Variants in CENPL observed in about 807,000 individuals in gnomAD.
CENPL encodes the protein interphase centromere complex protein 33.
In CENPL, 20 loss-of-function variants were observed where a neutral mutation model predicts 35.2. That is an observed-to-expected ratio of 0.57 (90% CI 0.40 to 0.83). The LOEUF is 0.83. Among genes scored for constraint, CENPL ranks in the 40% least tolerant of loss-of-function variants. CENPL has a pLI of 0.00. For missense variants in CENPL, 363 were observed against 395.8 expected (o/e 0.92, Z 0.70); for synonymous variants, 140 against 140.6 (o/e 1.00, Z 0.03).
At chr1:173,803,844 G>T (rs185919010) in intron 4 of CENPL, among the ~76,000 whole-genome samples, 1 of 152,032 alleles carries the variant, frequency 6.6e-6, no homozygotes, top group African/African-American at 2.4e-5. Context: ...GCTAATTTTT[G>T]TATTTTTAGT....
Position 173,802,997 on chromosome 1 carries a change from G to C in CENPL, c.929C>G (p.Ser310Cys), listed in dbSNP as rs199858256. The part of the protein sequence containing the change: ...SATRLVRVST[S>C]VASAHTDGKI... ...TCCATCAGTATGTGCTGAAGCTACAGATGTTGAAACACGAACTAATCTTGT... is the reference window on the plus strand; with the variant it reads ...TCCATCAGTATGTGCTGAAGCTACACATGTTGAAACACGAACTAATCTTGT... Residue 310 changes from serine (S) to cysteine (C), a missense_variant, in exon 5 of 6, where the codon TCT (serine) becomes TGT (cysteine). By Grantham distance (112) the Ser-to-Cys change is moderately radical (BLOSUM62 -1). Coordinates refer to ENST00000682279, the MANE Select transcript of CENPL (RefSeq NM_001387287.1). 2.5e-6 allele frequency: 4 copies of C among 1,612,982 alleles called. No homozygotes were observed. Among genetic ancestry groups the C allele is most frequent in the Non-Finnish European group, 2.5e-6 (3 of 1,179,134 alleles).
Position 173,811,259 on chromosome 1 carries a change from G to A in CENPL, c.41C>T (p.Ser14Phe), listed in dbSNP as rs1557846752. Residue 14 changes from serine (S) to phenylalanine (F), a missense_variant, in exon 3 of 6, where the codon TCC becomes TTC. Transcript: ENST00000682279. ...YSAPESTPSA[S>F]SRPEDYFIGA... ...TATAAAGTAATCTTCAGGTCTTGAGGATGCACTAGGAGTTGACTCTGGTGC... is the reference window on the plus strand; with the variant it reads ...TATAAAGTAATCTTCAGGTCTTGAGAATGCACTAGGAGTTGACTCTGGTGC... 1 of 1,612,854 alleles carries A rather than the reference G, an allele frequency of 6.2e-7. No homozygotes were observed. The highest frequency in any genetic ancestry group is 8.5e-7 in the Non-Finnish European group (1 of 1,178,950).
intron 4 of CENPL, among the ~76,000 whole-genome samples, chr1:173,805,644 TTC>T (rs755678704): frequency 7.9e-5 from 12 of 152,118 alleles, no homozygotes; most frequent in African/African-American, 1.7e-4. Context: ...CTGCATCAGG[TTC>T]TGTTTGTCCT....
intron 2 of CENPL, among the ~76,000 whole-genome samples, chr1:173,819,461 C>T (rs1651727864): frequency 6.6e-6 from 1 of 151,782 alleles, no homozygotes; most frequent in African/African-American, 2.4e-5. Context: ...TATGGTGGCA[C>T]ACACCTGTAG....
chr1:173,807,429 A>C lies in CENPL; in HGVS notation c.258T>G (p.Ser86Arg). The change falls in exon 4 of 6, where the codon AGT (serine) becomes AGG (arginine). Residue 86 changes from serine to arginine, a missense_variant. Transcript: ENST00000682279. The part of the protein sequence containing the change: ...SLTPLYKFSY[S>R]NLKEYSRLLN... ...GAAGTCTAGAATACTCTTTGAGATT[A>C]CTATAGGAGAATTTATATAAGGGAG... 4 of 1,611,424 alleles carry C rather than the reference A, an allele frequency of 2.5e-6. No homozygotes were observed. The highest frequency in any genetic ancestry group is 3.4e-6 in the Non-Finnish European group (4 of 1,178,058).
chr1:173,802,543 G>A (rs1427770364), intron 5 of CENPL, among the ~76,000 whole-genome samples: 1 of 152,146 alleles, frequency 6.6e-6, no homozygotes, highest in African/African-American at 2.4e-5. Flanking sequence ...ACTCTGTAGA[G>A]AATAAAACAA....
chr1:173,803,156 T>A lies in CENPL; in HGVS notation c.770A>T (p.His257Leu). The part of the protein sequence containing the change: ...PQSLDISFAI[H>L]PEDAKALWDS... ...CCATAGAGCTTTTGCATCCTCTGGA[T>A]GTATTGCGAAAGAAATGTCCAGACT... The change falls in exon 5 of 6, where the codon CAT becomes CTT. Residue 257 changes from histidine to leucine, a missense_variant. Physicochemically the swap from His to Leu is moderately conservative, Grantham distance 99. Coordinates refer to ENST00000682279, the MANE Select transcript of CENPL (RefSeq NM_001387287.1). The A allele has an allele frequency of 6.2e-7, 1 of 1,614,034 alleles. No individual in the cohort carries two copies.
At chr1:173,807,229 T>C (rs775764532) in intron 4 of CENPL, 38 bp downstream of exon 4, 2 of 1,480,876 alleles carry the variant, frequency 1.4e-6, no homozygotes, top group Admixed American at 2.1e-5. Context: ...GACATAATAC[T>C]TTTCCCCTAG....
intron 2 of CENPL, chr1:173,822,868 G>C (rs1229880199): frequency 6.6e-6 from 1 of 152,318 alleles, no homozygotes; most frequent in East Asian, 1.9e-4. Context: ...CTCCCCAGTA[G>C]CTGGGACTAC....
chr1:173,803,403 A>G lies in CENPL; in HGVS notation c.523T>C (p.Ser175Pro). ...AAGGGCAGACAGGTGAAATCTTCTGAAACAGTCTCCAGAAGACTGTCTCCA... is the reference window on the plus strand; with the variant it reads ...AAGGGCAGACAGGTGAAATCTTCTGGAACAGTCTCCAGAAGACTGTCTCCA... ...VFGDSLLETV[S>P]EDFTCLPLFL... The change falls in exon 5 of 6, where the codon TCA becomes CCA. Residue 175 changes from serine to proline, a missense_variant. Coordinates refer to ENST00000682279, the MANE Select transcript of CENPL (RefSeq NM_001387287.1). 2 of 1,613,906 alleles carry G rather than the reference A, an allele frequency of 1.2e-6. No homozygotes were observed. The highest frequency in any genetic ancestry group is 1.7e-6 in the Non-Finnish European group (2 of 1,179,778).
At chr1:173,816,927 C>T (rs1160582685) in intron 2 of CENPL, among the ~76,000 whole-genome samples, 2 of 152,236 alleles carry the variant, frequency 1.3e-5, no homozygotes, top group East Asian at 3.9e-4. Context: ...ATCACAAGGT[C>T]AGGAGTTCGA....
chr1:173,821,452 A>G (rs1327142138), intron 2 of CENPL, among the ~76,000 whole-genome samples: 4 of 152,220 alleles, frequency 2.6e-5, no homozygotes, highest in Non-Finnish European at 5.9e-5. Context: ...ATGAATCCCA[A>G]AAAGATTTTA....
rs1651791593 is a variant in CENPL, at chr1:173,819,966, G to A, written c.-8+3960C>T. Among the ~76,000 whole-genome samples, 2 of 151,954 alleles carry A rather than the reference G, an allele frequency of 1.3e-5. 1 individual carries two copies. The highest frequency in any genetic ancestry group is 4.1e-4 in the South Asian group (2 of 4,828). On this transcript the variant is annotated intron_variant, in intron 2 of 5. Coordinates refer to ENST00000682279, the MANE Select transcript of CENPL (RefSeq NM_001387287.1). The stretch of plus-strand genomic sequence containing the variant: ...TCAGGTGATCCACCAGCCTCCCAAA[G>A]TGTTGGGATTACAGGTGTGAGCCAC...
chr1:173,811,120 C>T lies in CENPL; in HGVS notation c.168+12G>A. The stretch of plus-strand genomic sequence containing the variant: ...AATTATTGACTAACACAAAGGGACA[C>T]AAAAAGCATACCTGCAACTGCGAAC... On this transcript the variant is annotated intron_variant, in intron 3 of 5. Transcript: ENST00000682279. 6.2e-7 allele frequency: 1 copy of T among 1,606,194 alleles called. No individual in the cohort carries two copies. Among genetic ancestry groups the T allele is most frequent in the Non-Finnish European group, 8.5e-7 (1 of 1,173,696 alleles).
intron 3 of CENPL, among the ~76,000 whole-genome samples, chr1:173,809,629 C>A (rs1440349193): frequency 4.1e-4 from 59 of 145,244 alleles, no homozygotes; most frequent in African/African-American, 1.2e-3. Flanking sequence ...AAAAAAAAAA[C>A]AACCCCATTA....
At chr1:173,819,691 A>G (rs1651758965) in intron 2 of CENPL, among the ~76,000 whole-genome samples, 1 of 151,982 alleles carries the variant, frequency 6.6e-6, no homozygotes. Flanking sequence ...TACTTATTTT[A>G]TTTTATTTTA....
chr1:173,819,851 C>G (rs1651775636), intron 2 of CENPL, among the ~76,000 whole-genome samples: 1 of 145,142 alleles, frequency 6.9e-6, no homozygotes, highest in African/African-American at 2.5e-5. Flanking sequence ...GCTACCATGC[C>G]TGGCTAATTT....
intron 2 of CENPL, among the ~76,000 whole-genome samples, chr1:173,813,877 C>A (rs919532032): frequency 1.3e-5 from 2 of 151,906 alleles, no homozygotes; most frequent in African/African-American, 4.8e-5. Context: ...AGACACAGAC[C>A]GGCAAATTGG....
At chr1:173,804,330 T>C (rs1557844535) in intron 4 of CENPL, among the ~76,000 whole-genome samples, 1 of 152,256 alleles carries the variant, frequency 6.6e-6, no homozygotes, top group African/African-American at 2.4e-5. Context: ...TATTTGATGG[T>C]CCCCATCATA....
Sources: gnomAD v4.1 joint callset for allele counts (sites outside exome capture counted in the v4.1 genomes callset) on GRCh38, gnomAD v4.1.1 for gene constraint, MANE v1.5 for transcripts, NCBI Gene and HGNC (gene_info 2026-07-23, HGNC 2026-07-21) for gene names.